Variants in ELMOD1 observed in about 807,000 individuals in gnomAD.
ELMOD1 encodes the protein ELMO domain containing 1.
In ELMOD1, 21 loss-of-function variants were observed where a neutral mutation model predicts 46.7. That is an observed-to-expected ratio of 0.45 (90% CI 0.32 to 0.65). ELMOD1 has a LOEUF of 0.65. Ranked by LOEUF, ELMOD1 falls within the 30% of genes least tolerant of loss-of-function variation. ELMOD1 has a pLI of 0.04. For synonymous variants in ELMOD1, 122 were observed against 138.2 expected (o/e 0.88, Z 0.82); for missense variants, 348 against 407.8 (o/e 0.85, Z 1.26).
intron 1 of ELMOD1, among the ~76,000 whole-genome samples, chr11:107,613,656 C>T (rs1865816110): frequency 6.6e-6 from 1 of 152,110 alleles, no homozygotes; most frequent in South Asian, 2.1e-4. Flanking sequence ...AAATTTTTTT[C>T]AGGTAAGCCA....
intron 1 of ELMOD1, among the ~76,000 whole-genome samples, chr11:107,609,171 CATA>C (rs1403624718): frequency 6.6e-6 from 1 of 152,178 alleles, no homozygotes; most frequent in Non-Finnish European, 1.5e-5. Flanking sequence ...TTGCCTGGCA[CATA>C]ATAAGTACTT....
chr11:107,595,360 G>T (rs1028261172), intron 1 of ELMOD1, among the ~76,000 whole-genome samples: 2 of 151,770 alleles, frequency 1.3e-5, no homozygotes, highest in East Asian at 3.8e-4. Context: ...TCTACTTCAG[G>T]TTTTTCTACT....
Position 107,665,267 on chromosome 11 carries a change from C to G in ELMOD1, c.*70C>G. 6.8e-7 allele frequency: 1 copy of G among 1,469,148 alleles called. No homozygotes were observed. The highest frequency in any genetic ancestry group is 9.3e-7 in the Non-Finnish European group (1 of 1,071,792). The allele number at this position is 1,469,148 out of a possible 1,614,324, so 91.0% of individuals were successfully genotyped here. A position where few individuals can be genotyped will look rare whatever the true frequency, so the allele number is the denominator to read the frequency against. The stretch of plus-strand genomic sequence containing the variant: ...TGTCTTGTTAGATCTCTGCTTAGGT[C>G]GCAGCTCACGCATTGAATGCACACA... On this transcript the variant is annotated 3_prime_UTR_variant, in exon 12 of 12. Transcript: ENST00000265840.
intron 2 of ELMOD1, among the ~76,000 whole-genome samples, chr11:107,619,806 G>GAACC (rs1404994175): frequency 6.6e-6 from 1 of 152,154 alleles, no homozygotes; most frequent in African/African-American, 2.4e-5. Context: ...AAGGGTTACA[G>GAACC]AACCAACACA....
intron 1 of ELMOD1, among the ~76,000 whole-genome samples, chr11:107,605,392 G>A (rs1390438829): frequency 6.6e-6 from 1 of 151,936 alleles, no homozygotes; most frequent in Non-Finnish European, 1.5e-5. Flanking sequence ...GTAGAGATGG[G>A]TTTTCACCAT....
intron 1 of ELMOD1, among the ~76,000 whole-genome samples, chr11:107,614,341 ATTTTG>A (rs1046679060): frequency 2.0e-5 from 3 of 152,006 alleles, no homozygotes; most frequent in African/African-American, 4.8e-5. Context: ...CAATCAGAGT[ATTTTG>A]TTTTGTTTTG....
At chr11:107,595,107 C>T (rs1249694576) in intron 1 of ELMOD1, among the ~76,000 whole-genome samples, 2 of 151,710 alleles carry the variant, frequency 1.3e-5, no homozygotes, top group Non-Finnish European at 2.9e-5. Context: ...ACTCCAGCAA[C>T]TGATAATACA....
intron 11 of ELMOD1, among the ~76,000 whole-genome samples, chr11:107,659,746 G>A (rs777665781): frequency 1.6e-4 from 25 of 151,910 alleles, no homozygotes; most frequent in Admixed American, 3.3e-4. Flanking sequence ...CAGGAGAAAG[G>A]AGAGTCTAGT....
rs767958257 is a variant in ELMOD1, at chr11:107,656,029, A to G, written c.795A>G (p.Pro265=). The change falls in exon 11 of 12, where the codon CCA becomes CCG. Residue 265 remains proline (P), a synonymous_variant. Coordinates refer to ENST00000265840, the MANE Select transcript of ELMOD1 (RefSeq NM_018712.4). The part of the protein sequence containing the change: ...ALKTHFYNIA[P]EAPTLSHFQQ... ...AAACCCATTTCTACAATATCGCCCC[A>G]GAAGCTCCAACATTGTCTCACTTTC... is the stretch of plus-strand genomic sequence containing the variant. 73 of 1,560,204 alleles carry G rather than the reference A, an allele frequency of 4.7e-5. No homozygotes were observed. Among genetic ancestry groups the G allele is most frequent in the South Asian group, 2.2e-4 (19 of 84,896 alleles).
chr11:107,651,126 G>A (rs1276975072), intron 9 of ELMOD1, among the ~76,000 whole-genome samples: 5 of 152,174 alleles, frequency 3.3e-5, no homozygotes, highest in Non-Finnish European at 7.3e-5. Flanking sequence ...TCTTTCTACA[G>A]CCATGACGGA....
intron 2 of ELMOD1, among the ~76,000 whole-genome samples, chr11:107,624,546 G>T (rs903218666): frequency 6.6e-6 from 1 of 152,180 alleles, no homozygotes; most frequent in African/African-American, 2.4e-5. Context: ...AGCTACAGGG[G>T]AGGCTGAGGT....
At chr11:107,612,832 T>A (rs1865802499) in intron 1 of ELMOD1, among the ~76,000 whole-genome samples, 1 of 152,234 alleles carries the variant, frequency 6.6e-6, no homozygotes, top group South Asian at 2.1e-4. Flanking sequence ...GCATAGTTAT[T>A]TAATGAATAT....
At chr11:107,650,300 T>C (rs1272556469) in intron 7 of ELMOD1, 35 bp from the exon 8 acceptor site, 2 of 1,483,066 alleles carry the variant, frequency 1.3e-6, no homozygotes. Context: ...AGTAAGCAAG[T>C]ATAGAGTTAC....
intron 1 of ELMOD1, among the ~76,000 whole-genome samples, chr11:107,611,205 CTA>C (rs1865775135): frequency 6.6e-6 from 1 of 152,062 alleles, no homozygotes. Flanking sequence ...TATTCACAAA[CTA>C]TGCATCTGAC....
chr11:107,631,028 C>G (rs1200534333), intron 4 of ELMOD1, among the ~76,000 whole-genome samples: 1 of 152,098 alleles, frequency 6.6e-6, no homozygotes, highest in Non-Finnish European at 1.5e-5. Context: ...AGTATTAACT[C>G]CCTACTATTT....
chr11:107,603,869 C>T (rs576046869), intron 1 of ELMOD1, among the ~76,000 whole-genome samples: 1 of 146,894 alleles, frequency 6.8e-6, no homozygotes, highest in East Asian at 2.0e-4. Flanking sequence ...CAAAGCTAGA[C>T]CTTGTCTAAA....
At chr11:107,610,154 A>G (rs1010866140) in intron 1 of ELMOD1, among the ~76,000 whole-genome samples, 1 of 152,212 alleles carries the variant, frequency 6.6e-6, no homozygotes, top group African/African-American at 2.4e-5. Flanking sequence ...TTGGAACAAT[A>G]TTAGCGATTT....
chr11:107,629,071 G>A (rs1866092922), intron 2 of ELMOD1, among the ~76,000 whole-genome samples: 1 of 152,138 alleles, frequency 6.6e-6, no homozygotes, highest in African/African-American at 2.4e-5. Flanking sequence ...TCTCAGTGCA[G>A]CAGCTTGGTT....
At chr11:107,651,141 G>C (rs1866519381) in intron 9 of ELMOD1, among the ~76,000 whole-genome samples, 2 of 152,122 alleles carry the variant, frequency 1.3e-5, no homozygotes, top group Non-Finnish European at 1.5e-5. Context: ...GACGGAACCT[G>C]GTTGGAGAAA....
Sources: allele counts gnomAD v4.1 joint callset (sites outside exome capture counted in the v4.1 genomes callset), GRCh38; gene constraint gnomAD v4.1.1; transcripts MANE v1.5; gene names NCBI Gene and HGNC (gene_info 2026-07-23, HGNC 2026-07-21).